The following CELF2 variants were observed in gnomAD, a reference collection of about 807,000 sequenced individuals.
The protein encoded by CELF2 is CUG triplet repeat RNA-binding protein 2.
In CELF2, 8 loss-of-function variants were observed where a neutral mutation model predicts 62.6. That is an observed-to-expected ratio of 0.13 (90% CI 0.07 to 0.23). CELF2 has a LOEUF of 0.23. CELF2 is among the 10% of genes least tolerant of loss of function. The pLI is 1.00. For synonymous variants in CELF2, 258 were observed against 250.0 expected (o/e 1.03, Z -0.30); for missense variants, 333 against 671.0 (o/e 0.50, Z 5.56).
chr10:11,083,755 G>T (rs2074665781), intron 1 of CELF2, among the ~76,000 whole-genome samples: 1 of 152,170 alleles, frequency 6.6e-6, no homozygotes, highest in East Asian at 1.9e-4. Flanking sequence ...ACTGACTTGG[G>T]CAAGCCAGTG....
chr10:10,883,874 T>TTCC (rs532851196), intron 1 of CELF2, among the ~76,000 whole-genome samples: 47 of 151,874 alleles, frequency 3.1e-4, no homozygotes, highest in South Asian at 1.5e-3. Flanking sequence ...CATAATTTCC[T>TTCC]TCCTCCTCCT....
the CELF2 span, among the ~76,000 whole-genome samples, chr10:10,700,053 CCAGA>C: frequency 6.6e-6 from 1 of 152,162 alleles, no homozygotes; most frequent in Admixed American, 6.5e-5. Flanking sequence ...TCTGGAATTC[CCAGA>C]CAAAAGGGTT....
chr10:10,674,401 A>G, the CELF2 span, among the ~76,000 whole-genome samples: 1 of 152,160 alleles, frequency 6.6e-6, no homozygotes, highest in South Asian at 2.1e-4. Flanking sequence ...TTTAATCTGT[A>G]TATATCTTCA....
At chr10:10,870,968 G>C (rs11256884) in intron 1 of CELF2, among the ~76,000 whole-genome samples, 7 of 151,988 alleles carry the variant, frequency 4.6e-5, no homozygotes, top group Non-Finnish European at 8.8e-5. Context: ...GGCAGTGTAC[G>C]CTCCCACCCC....
chr10:11,043,849 C>T (rs17149296), intron 1 of CELF2, among the ~76,000 whole-genome samples: 25,875 of 152,160 alleles, frequency 0.17, 3,308 homozygotes, highest in East Asian at 0.64. Flanking sequence ...GTGGCTTCCT[C>T]GCATACCTAG....
chr10:10,480,820 T>C, the CELF2 span, among the ~76,000 whole-genome samples: 2 of 152,232 alleles, frequency 1.3e-5, no homozygotes, highest in Non-Finnish European at 2.9e-5. Context: ...GGGACTGTTT[T>C]CTAAACATCA....
At chr10:10,703,457 G>C in the CELF2 span, among the ~76,000 whole-genome samples, 4 of 152,174 alleles carry the variant, frequency 2.6e-5, no homozygotes, top group Non-Finnish European at 2.9e-5. Context: ...CCAGGATCCA[G>C]ATAGATCCTC....
the CELF2 span, among the ~76,000 whole-genome samples, chr10:10,491,406 T>G: frequency 1.0e-3 from 154 of 152,306 alleles, no homozygotes; most frequent in African/African-American, 3.5e-3. Context: ...TGAATTCATT[T>G]GGTGCTCTTT....
chr10:11,131,448 A>G (rs2059611193), intron 1 of CELF2, among the ~76,000 whole-genome samples: 1 of 152,224 alleles, frequency 6.6e-6, no homozygotes, highest in South Asian at 2.1e-4. Context: ...TGTTGGGGTT[A>G]TCCTGGACTT....
intron 1 of CELF2, among the ~76,000 whole-genome samples, chr10:10,805,059 T>C (rs2055073278): frequency 6.6e-6 from 1 of 152,252 alleles, no homozygotes; most frequent in East Asian, 1.9e-4. Flanking sequence ...ACAAGAATTA[T>C]CAGTGCTTTC....
At chr10:10,844,655 C>A (rs2058899385) in intron 1 of CELF2, among the ~76,000 whole-genome samples, 2 of 152,108 alleles carry the variant, frequency 1.3e-5, no homozygotes, top group Non-Finnish European at 2.9e-5. Context: ...AAAGAAATTA[C>A]TTAAGCCTTT....
the CELF2 span, among the ~76,000 whole-genome samples, chr10:10,480,960 G>A: frequency 2.6e-5 from 4 of 152,126 alleles, no homozygotes; most frequent in Non-Finnish European, 4.4e-5. Context: ...CTACTCGGGA[G>A]GCTGAGGCAG....
In CELF2 at chr10:11,296,665, T is replaced by C. The variant is rs1393574451; in HGVS notation, c.976+8113T>C. 6.6e-6 allele frequency among the ~76,000 whole-genome samples: 1 copy of C among 152,140 alleles called. No individual in the cohort carries two copies. The highest frequency in any genetic ancestry group is 6.5e-5 in the Admixed American group (1 of 15,270). ...AACCCGTCACCATCAACTAGATGCA[T>C]TGGCCACCTACAAACACAAGCAAAA... On this transcript the variant is annotated intron_variant, in intron 9 of 12. Coordinates refer to ENST00000633077, the MANE Select transcript of CELF2 (RefSeq NM_001326342.2). This position sits in a 1 kb window ranked among gnomAD's most constrained non-coding sequence, Gnocchi z 5.0.
At chr10:11,051,597 G>T (rs2063935281) in intron 1 of CELF2, among the ~76,000 whole-genome samples, 1 of 152,150 alleles carries the variant, frequency 6.6e-6, no homozygotes, top group Admixed American at 6.5e-5. Flanking sequence ...ATGTGCTAAG[G>T]TTTCATAACA....
intron 2 of CELF2, among the ~76,000 whole-genome samples, chr10:10,942,825 T>C (rs1022110537): frequency 6.6e-6 from 1 of 152,212 alleles, no homozygotes; most frequent in Non-Finnish European, 1.5e-5. Context: ...TAATTATTTG[T>C]GGTGATGTGG....
chr10:11,177,343 C>G lies in CELF2; in HGVS notation c.271+11661C>G, dbSNP rs1345058101. 6.7e-6 allele frequency among the ~76,000 whole-genome samples: 1 copy of G among 150,070 alleles called. No individual in the cohort carries two copies. On this transcript the variant is annotated intron_variant, in intron 2 of 12. Transcript: ENST00000633077. This position sits in a 1 kb window ranked among gnomAD's most constrained non-coding sequence, Gnocchi z 4.8. ...TATTTTTTTACTTTCTGTGTTGCTT[C>G]TTAAATATACTCCTTCAAGTCAGGT...
rs552243165 is a variant in CELF2 at position 10,992,667 on chromosome 10, G to C, written c.89+72668G>C. 2.0e-5 allele frequency among the ~76,000 whole-genome samples: 3 copies of C among 152,308 alleles called. No homozygotes were observed. The South Asian group carries it at 6.2e-4, about 32-fold the overall frequency. ...GTATTAGGGTTCAGCCAAAGAAACAGAACTAGCAGGATCAATAGATGATGG... is the reference window on the plus strand; with the variant it reads ...GTATTAGGGTTCAGCCAAAGAAACACAACTAGCAGGATCAATAGATGATGG... On this transcript the variant is annotated intron_variant, in intron 2 of 13. Coordinates refer to the CELF2 transcript ENST00000636488.
intron 1 of CELF2, among the ~76,000 whole-genome samples, chr10:11,126,482 A>G (rs551907473): frequency 6.6e-6 from 1 of 152,330 alleles, no homozygotes; most frequent in South Asian, 2.1e-4. Flanking sequence ...AGATACATAT[A>G]TATGTGTGTA....
chr10:10,653,066 C>T, the CELF2 span, among the ~76,000 whole-genome samples: 2 of 152,192 alleles, frequency 1.3e-5, no homozygotes. Context: ...GGGTTGCAAT[C>T]CTCATTTCTG....
Sources: gnomAD v4.1 joint callset for allele counts (sites outside exome capture counted in the v4.1 genomes callset) on GRCh38, gnomAD v4.1.1 for gene constraint, Gnocchi (gnomAD v3.1) non-coding constraint, MANE v1.5 for transcripts, NCBI Gene and HGNC (gene_info 2026-07-23, HGNC 2026-07-21) for gene names.